Variants in WRAP73 observed in about 807,000 individuals in gnomAD.
WRAP73 encodes WD repeat containing, antisense to TP73, also known as WD repeat-containing protein WRAP73.
Under a neutral mutation model 59.6 loss-of-function variants are expected in WRAP73, and 55 were observed. The observed-to-expected ratio is 0.92, with a 90% confidence interval of 0.74 to 1.15. The LOEUF (loss-of-function observed/expected upper bound fraction) is 1.15, where lower values mean the gene tolerates loss of function less well. Among genes scored for constraint, WRAP73 ranks in the 50% most tolerant of loss-of-function variants. WRAP73 has a pLI of 0.00. For synonymous variants in WRAP73, 265 were observed against 258.2 expected (o/e 1.03, Z -0.25); for missense variants, 592 against 608.1 (o/e 0.97, Z 0.28).
In WRAP73 at chr1:3,633,432, G is replaced by A. The variant is rs114881830; in HGVS notation, c.888C>T (p.Ala296=). The change falls in exon 9 of 12, where the codon GCC becomes GCT. Residue 296 remains alanine, a synonymous_variant. Coordinates refer to ENST00000270708, the MANE Select transcript of WRAP73 (RefSeq NM_017818.4). ...CTGAGCTCGGGAGAGGGCCGGCCCC[G>A]GCCCGGGGCGGCGGGAAGGAGAGGC... ...LGCLSFPPPR[A]GAGPLPSSES... is the part of the protein sequence containing the mutation. The A allele has an allele frequency of 7.6e-5, 122 of 1,611,994 alleles. 1 individual carries two copies. The highest frequency in any genetic ancestry group is 6.7e-4 in the East Asian group (30 of 44,866).
intron 9 of WRAP73, 90 bp from the exon 10 acceptor site, chr1:3,632,428 G>T: frequency 1.3e-6 from 2 of 1,594,038 alleles, no homozygotes; most frequent in East Asian, 2.2e-5. Flanking sequence ...ATCGGGCATC[G>T]CGAACCCAGC....
At position 3,646,851 on chromosome 1, in the gene WRAP73, C is replaced by T. The variant is rs1644696805; in HGVS notation, c.223-69G>A. On this transcript the variant is annotated intron_variant, in intron 2 of 11. Coordinates refer to ENST00000270708, the MANE Select transcript of WRAP73 (RefSeq NM_017818.4). This position sits in a 1 kb window ranked among gnomAD's most constrained non-coding sequence, Gnocchi z 5.1. ...GCACCGAGAGACAGCGAGGACAGCT[C>T]GCTTAAACGCAGCGGAGACCCGACC... The T allele has an allele frequency of 1.3e-5, 18 of 1,408,314 alleles. No homozygotes were observed. The highest frequency in any genetic ancestry group is 1.5e-5 in the Non-Finnish European group (15 of 1,009,680). 87.2% of individuals were successfully genotyped at this position (1,408,314 alleles called of 1,614,324 possible).
At chr1:3,637,326 G>A (rs1435376321) in intron 4 of WRAP73, among the ~76,000 whole-genome samples, 1 of 152,218 alleles carries the variant, frequency 6.6e-6, no homozygotes, top group Non-Finnish European at 1.5e-5. Flanking sequence ...GCTGGGGGAA[G>A]CTGTACACAC....
chr1:3,647,334 G>C, intron 2 of WRAP73, 74 bp downstream of exon 2: 1 of 1,430,512 alleles, frequency 7.0e-7, no homozygotes, highest in Non-Finnish European at 9.2e-7. Flanking sequence ...AACTAGAAAG[G>C]CACAGAACAA....
At chr1:3,632,730 T>G in intron 9 of WRAP73, 1 of 293,058 alleles carries the variant, frequency 3.4e-6, no homozygotes, top group South Asian at 3.1e-5. Flanking sequence ...CCTTAGACTT[T>G]CCGGCTGTGG....
chr1:3,639,260 T>C lies in WRAP73; in HGVS notation c.340-438A>G. ...CTCACCAGGGGGCTGTGAGCCTGCA[T>C]CTGCAGCCCTGAGGCAGGAGCAGCC... On this transcript the variant is annotated intron_variant, in intron 3 of 11. Transcript: ENST00000270708. This position sits in a 1 kb window ranked among gnomAD's most constrained non-coding sequence, Gnocchi z 4.3. The C allele has an allele frequency of 5.5e-6, 1 of 183,154 alleles. No homozygotes were observed. The highest frequency in any genetic ancestry group is 1.1e-5 in the Non-Finnish European group (1 of 88,158). 11.3% of individuals were successfully genotyped at this position (183,154 alleles called of 1,614,324 possible).
chr1:3,632,456 A>G, intron 9 of WRAP73, 118 bp from the exon 10 acceptor site: 1 of 1,538,152 alleles, frequency 6.5e-7, no homozygotes, highest in African/African-American at 1.4e-5. Flanking sequence ...TTCAAAGGGG[A>G]GGAAAGTGCG....
intron 9 of WRAP73, chr1:3,632,725 G>A: frequency 3.2e-5 from 10 of 310,240 alleles, no homozygotes; most frequent in South Asian, 2.7e-4. Flanking sequence ...AGTACCCTTA[G>A]ACTTTCCGGC....
intron 1 of WRAP73, 41 bp downstream of exon 1, chr1:3,649,890 C>A (rs1185383880): frequency 6.4e-7 from 1 of 1,567,386 alleles, no homozygotes; most frequent in Admixed American, 1.9e-5. Flanking sequence ...GACGCTGGCA[C>A]CGAGGATGTC....
intron 6 of WRAP73, chr1:3,635,602 C>T: frequency 2.0e-6 from 1 of 491,500 alleles, no homozygotes; most frequent in Non-Finnish European, 3.7e-6. Flanking sequence ...TGGCAGATCA[C>T]TTGAACACAG....
rs1018121005 is a variant in WRAP73, at chr1:3,642,952, C to A, written c.339+3714G>T. On this transcript the variant is annotated intron_variant, in intron 3 of 11. Coordinates refer to ENST00000270708, the MANE Select transcript of WRAP73 (RefSeq NM_017818.4). ...TATCATTTAGTCGCCTGGATGGAAT[C>A]ATTGTAATCCTGCCACAAAAGCCTT... is the stretch of plus-strand genomic sequence containing the variant. Among the ~76,000 whole-genome samples the A allele has an allele frequency of 2.6e-5, 4 of 152,056 alleles. No individual in the cohort carries two copies. In the South Asian group the frequency reaches 6.2e-4, roughly 24 times the overall value.
intron 5 of WRAP73, chr1:3,636,422 C>A: frequency 3.1e-6 from 1 of 321,638 alleles, no homozygotes; most frequent in Non-Finnish European, 6.0e-6. Flanking sequence ...TCTCCCCGCA[C>A]CTGCACTCAT....
rs1207496478 is a variant in WRAP73 at position 3,647,558 on chromosome 1, A to G, written c.72T>C (p.Ala24=). 2 of 1,608,058 alleles carry G rather than the reference A, an allele frequency of 1.2e-6. No homozygotes were observed. Among genetic ancestry groups the G allele is most frequent in the Non-Finnish European group, 1.7e-6 (2 of 1,178,156 alleles). The change falls in exon 2 of 12, where the codon GCT becomes GCC. Residue 24 remains alanine (A), a splice_region_variant and synonymous_variant. Transcript: ENST00000270708. ...CCACTAACCGGTACTGGACACAGGA[A>G]GCCTAAAAAATATGAGAAAGCAAGC... ...CKFSPDGKYL[A]SCVQYRLVVR...
intron 3 of WRAP73, among the ~76,000 whole-genome samples, chr1:3,642,846 G>A (rs532096791): frequency 2.0e-5 from 3 of 152,034 alleles, no homozygotes; most frequent in South Asian, 2.1e-4. Context: ...ATGTGTGAGC[G>A]TCTGTGTGTA....
chr1:3,631,311 C>G, intron 11 of WRAP73, 155 bp downstream of exon 11: 1 of 1,300,066 alleles, frequency 7.7e-7, no homozygotes, highest in Non-Finnish European at 1.1e-6. Context: ...AGCGGGTCCC[C>G]TGTGTGTCCG....
intron 1 of WRAP73, among the ~76,000 whole-genome samples, chr1:3,647,840 C>T (rs1276868256): frequency 6.6e-6 from 1 of 152,192 alleles, no homozygotes; most frequent in Non-Finnish European, 1.5e-5. Context: ...ATTTTTAAGT[C>T]CCTTCTTATC....
chr1:3,637,234 C>T (rs1255268928), intron 4 of WRAP73, 136 bp from the exon 5 acceptor site: 1 of 710,832 alleles, frequency 1.4e-6, no homozygotes. Flanking sequence ...ATGCCGAGCA[C>T]TGCTCCTCAG....
chr1:3,640,420 T>C (rs1644628674), intron 3 of WRAP73, among the ~76,000 whole-genome samples: 1 of 150,814 alleles, frequency 6.6e-6, no homozygotes, highest in African/African-American at 2.4e-5. Flanking sequence ...CGCCCGAGCA[T>C]CTCAGCATCA....
Position 3,630,833 on chromosome 1 carries a change from A to T in WRAP73, c.*142T>A. ...CTACAGTTTTATACCATACATATTT[A>T]CAAAAATGCTTTGCTATAGAAAAAT... On this transcript the variant is annotated 3_prime_UTR_variant, in exon 12 of 12. Transcript: ENST00000270708. 1 of 1,093,062 alleles carries T rather than the reference A, an allele frequency of 9.1e-7. No homozygotes were observed. The highest frequency in any genetic ancestry group is 1.3e-6 in the Non-Finnish European group (1 of 764,016). The allele number at this position is 1,093,062 out of a possible 1,614,324, so 67.7% of individuals were successfully genotyped here.
Sources: allele counts gnomAD v4.1 joint callset (sites outside exome capture counted in the v4.1 genomes callset), GRCh38; gene constraint gnomAD v4.1.1; non-coding constraint Gnocchi (gnomAD v3.1); transcripts MANE v1.5; gene names NCBI Gene and HGNC (gene_info 2026-07-23, HGNC 2026-07-21).